The following SMC2 variants were observed in gnomAD, a reference collection of about 807,000 sequenced individuals.
SMC2 encodes the protein structural maintenance of chromosomes 2.
SMC2 carries 41 observed loss-of-function variants against 142.6 expected under a neutral mutation model. That is an observed-to-expected ratio of 0.29 (90% CI 0.22 to 0.37). SMC2 has a LOEUF of 0.37. Ranked by LOEUF, SMC2 falls within the 10% of genes least tolerant of loss-of-function variation. The probability of loss-of-function intolerance (pLI) is 1.00; values close to 1 mark genes in which losing one functional copy is unlikely to be tolerated. For missense variants in SMC2, 1,265 were observed against 1,373.7 expected, an observed-to-expected ratio of 0.92 and a Z score of 1.25; for synonymous variants, 463 against 457.5, an observed-to-expected ratio of 1.01 and a Z score of -0.15.
Position 104,140,549 on chromosome 9 carries a change from T to G in SMC2, c.*1234T>G, listed in dbSNP as rs1237777978. 2 of 152,690 alleles carry G rather than the reference T, an allele frequency of 1.3e-5. No individual in the cohort carries two copies. The highest frequency in any genetic ancestry group is 2.9e-5 in the Non-Finnish European group (2 of 67,998). 9.5% of individuals were successfully genotyped at this position (152,690 alleles called of 1,614,324 possible). A position where few individuals can be genotyped will look rare whatever the true frequency, so the allele number is the denominator to read the frequency against. On this transcript the variant is annotated 3_prime_UTR_variant, in exon 25 of 25. Transcript: ENST00000374793. ...ATGGCCGTACTTCCTGGCCCTGGGC[T>G]TGACATTTCCCACCCTTCATTCTCC... is the stretch of plus-strand genomic sequence containing the variant.
At chr9:104,089,037 A>G in the SMC2 span, among the ~76,000 whole-genome samples, 1 of 152,158 alleles carries the variant, frequency 6.6e-6, no homozygotes, top group Admixed American at 6.5e-5. Context: ...GAATCTGAGA[A>G]AGTAGGTTGG....
chr9:104,122,666 TACACTA>T (rs1221356702), intron 16 of SMC2, among the ~76,000 whole-genome samples: 1 of 152,166 alleles, frequency 6.6e-6, no homozygotes, highest in Non-Finnish European at 1.5e-5. Context: ...CTATTTTTCT[TACACTA>T]AAAGTAGGGA....
At chr9:104,106,234 G>C (rs1831762518) in intron 9 of SMC2, among the ~76,000 whole-genome samples, 1 of 152,066 alleles carries the variant, frequency 6.6e-6, no homozygotes, top group South Asian at 2.1e-4. Context: ...GGGCAGTGAA[G>C]GATGTTCCTT....
In SMC2 at chr9:104,123,185, C is replaced by T; in HGVS notation, c.2210C>T (p.Ser737Leu). The change falls in exon 17 of 25, where the codon TCA becomes TTA. Residue 737 changes from serine (S) to leucine (L), a missense_variant. This residue lies in a region of SMC2 where 898 missense variants were observed against 904.2 expected (regional missense o/e 0.99). Transcript: ENST00000374793. ...DLLQTKLQQS[S>L]YHKQQEELDA... ...TTACAAACCAAGCTCCAGCAAAGCT[C>T]ATATCACAAGCAACAAGAAGAATTA... 1 of 1,612,588 alleles carries T rather than the reference C, an allele frequency of 6.2e-7. No individual in the cohort carries two copies. Among genetic ancestry groups the T allele is most frequent in the Non-Finnish European group, 8.5e-7 (1 of 1,179,242 alleles).
intron 13 of SMC2, among the ~76,000 whole-genome samples, chr9:104,115,807 C>G (rs1833039429): frequency 6.6e-6 from 1 of 152,032 alleles, no homozygotes; most frequent in Non-Finnish European, 1.5e-5. Flanking sequence ...ATTTATTTAT[C>G]CTACCCAACT....
chr9:104,114,722 G>A lies in SMC2; in HGVS notation c.1564G>A (p.Val522Met). ...AGAGAAGAACTGGAATAGAAATTGT[G>A]TGAAAGGACTTGTGGCTTCTCTGAT... Reference protein sequence around the residue: ...DPEKNWNRNCVKGLVASLISV... With the variant: ...DPEKNWNRNCMKGLVASLISV... The change falls in exon 13 of 25, where the codon GTG becomes ATG. Residue 522 changes from valine (V) to methionine (M), a missense_variant. By Grantham distance (21) the Val-to-Met change is conservative. This residue lies in a region of SMC2 where 898 missense variants were observed against 904.2 expected (regional missense o/e 0.99). Coordinates refer to ENST00000374793, the MANE Select transcript of SMC2 (RefSeq NM_006444.3). The A allele has an allele frequency of 6.2e-7, 1 of 1,612,752 alleles. No homozygotes were observed. The highest frequency in any genetic ancestry group is 8.5e-7 in the Non-Finnish European group (1 of 1,179,218).
chr9:104,100,447 ATG>A lies in SMC2; in HGVS notation c.636+17_636+18del. 1 of 1,425,410 alleles carries A rather than the reference ATG, an allele frequency of 7.0e-7. No individual in the cohort carries two copies. The highest frequency in any genetic ancestry group is 1.2e-5 in the South Asian group (1 of 83,668). The allele number at this position is 1,425,410 out of a possible 1,614,324, so 88.3% of individuals were successfully genotyped here. Reference sequence around the variant, plus strand: ...AAATTAAAAGAGGTATATTCTGTATATGTGAGGATAATCTATTAGAATGTCTT... The same window carrying A: ...AAATTAAAAGAGGTATATTCTGTATATGAGGATAATCTATTAGAATGTCTT... On this transcript the variant is annotated intron_variant, in intron 7 of 24. Coordinates refer to ENST00000374793, the MANE Select transcript of SMC2 (RefSeq NM_006444.3).
rs1835887165 is a variant in SMC2 at position 104,139,492 on chromosome 9, T to C, written c.*177T>C. ...GAGCATATATTCCTCATCTCTTAAC[T>C]AGTCTAATTATGGTCCAATTATTGT... On this transcript the variant is annotated 3_prime_UTR_variant, in exon 25 of 25. Coordinates refer to ENST00000374793, the MANE Select transcript of SMC2 (RefSeq NM_006444.3). The C allele has an allele frequency of 2.1e-6, 1 of 475,392 alleles. No homozygotes were observed. Among genetic ancestry groups the C allele is most frequent in the Non-Finnish European group, 3.7e-6 (1 of 273,838 alleles). 29.4% of individuals were successfully genotyped at this position (475,392 alleles called of 1,614,324 possible).
intron 9 of SMC2, among the ~76,000 whole-genome samples, chr9:104,106,076 C>T (rs987031833): frequency 6.6e-6 from 1 of 152,162 alleles, no homozygotes; most frequent in Admixed American, 6.5e-5. Context: ...GATGTTGGTA[C>T]CACCTCACTA....
At chr9:104,094,696 A>C (rs544500005) in intron 1 of SMC2, 26 of 351,222 alleles carry the variant, frequency 7.4e-5, no homozygotes, top group African/African-American at 5.3e-4. Flanking sequence ...TAAAAGCCTG[A>C]GTAAAAGCAA....
chr9:104,118,570 A>T (rs1274424856), intron 15 of SMC2, among the ~76,000 whole-genome samples, 195 bp downstream of exon 15: 3 of 152,152 alleles, frequency 2.0e-5, no homozygotes, highest in African/African-American at 4.8e-5. Flanking sequence ...TGGTACCTTA[A>T]TGCCTTAAAG....
chr9:104,130,857 A>G (rs1342964950), intron 21 of SMC2, among the ~76,000 whole-genome samples: 2 of 152,198 alleles, frequency 1.3e-5, no homozygotes, highest in Admixed American at 1.3e-4. Flanking sequence ...AAAAGAATTT[A>G]TCAACTCCCA....
At chr9:104,122,317 T>C (rs1156704151) in intron 16 of SMC2, among the ~76,000 whole-genome samples, 10 of 152,206 alleles carry the variant, frequency 6.6e-5, no homozygotes, top group Admixed American at 6.5e-4. Context: ...AGCCATTGTT[T>C]CACACCATAT....
intron 22 of SMC2, 111 bp downstream of exon 22, chr9:104,132,236 A>G (rs1835060086): frequency 1.5e-6 from 1 of 664,218 alleles, no homozygotes; most frequent in Admixed American, 2.8e-5. Flanking sequence ...AATGAGGCAC[A>G]TATTCACACC....
In SMC2 at chr9:104,129,783, GAGAAACTAGGA is replaced by G. The variant is rs1478007040; in HGVS notation, c.2935_2945del (p.Leu979CysfsTer13). 6.2e-7 allele frequency: 1 copy of G among 1,613,946 alleles called. No individual in the cohort carries two copies. The highest frequency in any genetic ancestry group is 8.5e-7 in the Non-Finnish European group (1 of 1,179,930). On this transcript the variant is annotated frameshift_variant, in exon 21 of 25. Coordinates refer to ENST00000374793, the MANE Select transcript of SMC2 (RefSeq NM_006444.3). LOFTEE classifies it high-confidence loss of function. ...ACTTCAGAAGTTGCAAGAAATGAAG[GAGAAACTAGGA>G]AGAAATGTCAATATGAGAGCTATGA...
rs1041511861 is a variant in SMC2 at position 104,137,040 on chromosome 9, A to G, written c.3270-978A>G. 1.2e-4 allele frequency among the ~76,000 whole-genome samples: 18 copies of G among 151,950 alleles called. 1 individual carries two copies. The highest frequency in any genetic ancestry group is 6.2e-4 in the South Asian group (3 of 4,818). On this transcript the variant is annotated intron_variant, in intron 23 of 24. Coordinates refer to ENST00000374793, the MANE Select transcript of SMC2 (RefSeq NM_006444.3). ...GCATGCACCTGTAATCTCAGCTACT[A>G]GGGAGGCTGTGGCAGTAGAATTGCT...
intron 23 of SMC2, chr9:104,135,944 G>A (rs938842468): frequency 1.9e-6 from 1 of 518,304 alleles, no homozygotes; most frequent in Non-Finnish European, 3.9e-6. Flanking sequence ...TGGAACCTTG[G>A]ATCTACATAA....
Position 104,132,130 on chromosome 9 carries a change from TTTTTATGTTTG to T in SMC2, c.3108+12_3108+22del. ...CTAAATATTGCATGGCAAAAGGTAC[TTTTTATGTTTG>T]TTTTATATGAGGTTGCAAGGATGAA... is the stretch of plus-strand genomic sequence containing the variant. On this transcript the variant is annotated splice_donor_region_variant and intron_variant, in intron 22 of 24. Coordinates refer to ENST00000374793, the MANE Select transcript of SMC2 (RefSeq NM_006444.3). The T allele has an allele frequency of 7.1e-7, 1 of 1,414,614 alleles. No homozygotes were observed. The highest frequency in any genetic ancestry group is 9.9e-7 in the Non-Finnish European group (1 of 1,009,708). 87.6% of individuals were successfully genotyped at this position (1,414,614 alleles called of 1,614,324 possible).
intron 19 of SMC2, 106 bp downstream of exon 19, chr9:104,126,890 C>A: frequency 8.9e-7 from 1 of 1,125,218 alleles, no homozygotes. Context: ...CACTCGTCAT[C>A]ATGAGAGAAT....
Sources: gnomAD v4.1 joint callset for allele counts (sites outside exome capture counted in the v4.1 genomes callset) on GRCh38, gnomAD v4.1.1 for gene constraint, gnomAD v4.1.1 regional missense constraint, MANE v1.5 for transcripts, NCBI Gene and HGNC (gene_info 2026-07-23, HGNC 2026-07-21) for gene names.